Variants in TAS2R1 observed in about 807,000 individuals in gnomAD.
TAS2R1 encodes the protein taste 2 receptor member 1.
For synonymous variants in TAS2R1, 141 were observed against 134.2 expected (o/e 1.05, Z -0.35); for missense variants, 370 against 353.4 (o/e 1.05, Z -0.38).
chr5:9,848,340 T>C, the TAS2R1 span, among the ~76,000 whole-genome samples: 14 of 152,192 alleles, frequency 9.2e-5, no homozygotes, highest in Non-Finnish European at 1.9e-4. Flanking sequence ...TCCCTCCTTT[T>C]TGCAAATGAA....
At chr5:9,684,989 G>A (rs576850214) in intron 1 of TAS2R1, among the ~76,000 whole-genome samples, 5 of 152,224 alleles carry the variant, frequency 3.3e-5, no homozygotes, top group Non-Finnish European at 7.4e-5. Context: ...CACAGACCCC[G>A]GGAGCACAGG....
the TAS2R1 span, among the ~76,000 whole-genome samples, chr5:9,794,732 C>CT: frequency 6.6e-6 from 1 of 152,136 alleles, no homozygotes; most frequent in Non-Finnish European, 1.5e-5. Flanking sequence ...AAAGGGGTCA[C>CT]ATTTTGCTTT....
At chr5:9,836,418 T>C in the TAS2R1 span, among the ~76,000 whole-genome samples, 1 of 152,122 alleles carries the variant, frequency 6.6e-6, no homozygotes, top group Non-Finnish European at 1.5e-5. Flanking sequence ...GTTGGAGGGC[T>C]GTCATGTGCA....
the TAS2R1 span, among the ~76,000 whole-genome samples, chr5:9,831,428 T>C: frequency 6.6e-6 from 1 of 152,218 alleles, no homozygotes; most frequent in Non-Finnish European, 1.5e-5. Flanking sequence ...AAGTGTTTGT[T>C]TTATTCTAAA....
the TAS2R1 span, among the ~76,000 whole-genome samples, chr5:9,754,735 A>G: frequency 6.6e-6 from 1 of 152,210 alleles, no homozygotes; most frequent in African/African-American, 2.4e-5. Flanking sequence ...TGCTCAATGA[A>G]ATAAAAGAGG....
chr5:9,766,155 G>C, the TAS2R1 span, among the ~76,000 whole-genome samples: 1 of 152,156 alleles, frequency 6.6e-6, no homozygotes, highest in Non-Finnish European at 1.5e-5. Context: ...CATCATCCAT[G>C]CAGAAAAGCA....
chr5:9,886,033 C>CT, the TAS2R1 span, among the ~76,000 whole-genome samples: 246 of 140,136 alleles, frequency 1.8e-3, 1 homozygote, highest in East Asian at 3.5e-3. Flanking sequence ...TTATATAATT[C>CT]TTTTTTTTTT....
the TAS2R1 span, among the ~76,000 whole-genome samples, chr5:9,838,308 T>C: frequency 6.6e-6 from 1 of 152,108 alleles, no homozygotes; most frequent in African/African-American, 2.4e-5. Context: ...GGCATATCTG[T>C]GGGCCCCTGG....
chr5:9,861,041 T>A, the TAS2R1 span, among the ~76,000 whole-genome samples: 1 of 149,102 alleles, frequency 6.7e-6, no homozygotes, highest in African/African-American at 2.5e-5. Context: ...GATGAGGTTT[T>A]TTTTTTTTTT....
the TAS2R1 span, among the ~76,000 whole-genome samples, chr5:9,739,055 A>T: frequency 6.6e-6 from 1 of 152,252 alleles, no homozygotes; most frequent in Non-Finnish European, 1.5e-5. Context: ...TTCTAGAAAA[A>T]GCTAACTGGA....
upstream of TAS2R1, among the ~76,000 whole-genome samples, chr5:9,634,760 G>T (rs1022914095): frequency 3.3e-5 from 5 of 152,054 alleles, no homozygotes; most frequent in African/African-American, 1.2e-4. Flanking sequence ...CATTATTGGT[G>T]CATAGCAGTC....
rs144656095 is a variant in TAS2R1 at position 9,680,776 on chromosome 5, G to C, written c.-241-21195C>G. On this transcript the variant is annotated intron_variant, in intron 1 of 2. Transcript: ENST00000506620. ...TAAATCTAACGTGGTATCATGGCTG[G>C]GCATGGTGGCTCACGCCTGTAATCT... 4.6e-3 allele frequency among the ~76,000 whole-genome samples: 695 copies of C among 152,272 alleles called. 1 individual carries two copies. Among genetic ancestry groups the C allele is most frequent in the African/African-American group, 0.016 (677 of 41,546 alleles).
the TAS2R1 span, among the ~76,000 whole-genome samples, chr5:9,758,279 A>T: frequency 5.9e-5 from 9 of 152,246 alleles, no homozygotes; most frequent in Admixed American, 2.0e-4. Flanking sequence ...ATAGGGAAGA[A>T]ATCATACCAG....
At chr5:9,818,595 T>C in the TAS2R1 span, among the ~76,000 whole-genome samples, 1 of 152,190 alleles carries the variant, frequency 6.6e-6, no homozygotes, top group South Asian at 2.1e-4. Context: ...TCCCTCTTCA[T>C]ACAGCAGGCA....
chr5:9,799,432 G>T, the TAS2R1 span, among the ~76,000 whole-genome samples: 2 of 152,122 alleles, frequency 1.3e-5, no homozygotes, highest in Non-Finnish European at 2.9e-5. Context: ...CAAAACTGAG[G>T]GATCCTGAGG....
chr5:9,797,814 A>G, the TAS2R1 span, among the ~76,000 whole-genome samples: 1 of 152,310 alleles, frequency 6.6e-6, no homozygotes, highest in Non-Finnish European at 1.5e-5. Context: ...AAAAAAATCT[A>G]CGTAGATTTT....
rs185736386 is a variant in TAS2R1 at position 9,640,170 on chromosome 5, G to A, written c.-80-10178C>T. ...TATTAATTGGCCTCATTTTAATATTGTTGCAAGTCAGGGAATAGGGAGGCT... is the reference window on the plus strand; with the variant it reads ...TATTAATTGGCCTCATTTTAATATTATTGCAAGTCAGGGAATAGGGAGGCT... On this transcript the variant is annotated intron_variant, in intron 2 of 2. Transcript: ENST00000506620. 6.1e-4 allele frequency among the ~76,000 whole-genome samples: 93 copies of A among 151,996 alleles called. No homozygotes were observed. The East Asian group carries it at 0.014, about 23-fold the overall frequency.
chr5:9,877,501 C>G, the TAS2R1 span, among the ~76,000 whole-genome samples: 1 of 152,204 alleles, frequency 6.6e-6, no homozygotes, highest in African/African-American at 2.4e-5. Flanking sequence ...TAGCAAGTCA[C>G]CAAAGGTACT....
rs1300358522 is a variant in TAS2R1 at position 9,648,679 on chromosome 5, A to AT, written c.-81+10741dup. On this transcript the variant is annotated intron_variant, in intron 2 of 2. Coordinates refer to the TAS2R1 transcript ENST00000506620. ...AATAATCCCTTACAGGATCTCCATC[A>AT]TTTTTTTCGGGGGTGGGGGGTAGCT... is the stretch of plus-strand genomic sequence containing the variant. Among the ~76,000 whole-genome samples the AT allele has an allele frequency of 2.0e-5, 3 of 147,908 alleles. No homozygotes were observed. In the Admixed American group the frequency reaches 2.0e-4, roughly 10 times the overall value.
Sources: gnomAD v4.1 joint callset for allele counts (sites outside exome capture counted in the v4.1 genomes callset) on GRCh38, gnomAD v4.1.1 for gene constraint, MANE v1.5 for transcripts, NCBI Gene and HGNC (gene_info 2026-07-23, HGNC 2026-07-21) for gene names.